Variants in AKR1C3 observed in about 807,000 individuals in gnomAD.
AKR1C3 encodes the protein 3-alpha hydroxysteroid dehydrogenase, type II.
A neutral mutation model predicts 43.6 loss-of-function variants in AKR1C3; 48 were observed. That is an observed-to-expected ratio of 1.10 (90% CI 0.87 to 1.40). The LOEUF (loss-of-function observed/expected upper bound fraction) is 1.40, where lower values mean the gene tolerates loss of function less well. Among genes scored for constraint, AKR1C3 ranks in the 40% most tolerant of loss-of-function variants. AKR1C3 has a pLI of 0.00. For synonymous variants in AKR1C3, 162 were observed against 139.6 expected (o/e 1.16, Z -1.13); for missense variants, 482 against 391.2 (o/e 1.23, Z -1.96).
chr10:5,105,547 TTCACAACTGGCAA>T (rs1839478486), intron 7 of AKR1C3, 35 bp from the exon 8 acceptor site: 3 of 1,426,478 alleles, frequency 2.1e-6, no homozygotes, highest in Non-Finnish European at 2.9e-6. Context: ...TACTTGGGGA[TTCACAACTGGCAA>T]TCTAAAAATA....
intron 1 of AKR1C3, among the ~76,000 whole-genome samples, chr10:5,052,912 G>T (rs1258579190): frequency 1.3e-5 from 2 of 151,872 alleles, no homozygotes; most frequent in African/African-American, 2.4e-5. Flanking sequence ...CCCTTAGCTA[G>T]ACATAAAGGT....
At chr10:5,077,519 C>G in intron 1 of AKR1C3, 1 of 230,878 alleles carries the variant, frequency 4.3e-6, no homozygotes, top group Non-Finnish European at 7.1e-6. Context: ...GAGACTGGCA[C>G]CAAGTCACTG....
intron 1 of AKR1C3, among the ~76,000 whole-genome samples, chr10:5,051,372 C>T (rs913444188): frequency 2.6e-5 from 4 of 152,332 alleles, no homozygotes; most frequent in South Asian, 2.1e-4. Context: ...GCTGGGATTA[C>T]AGGCATGAGC....
intron 1 of AKR1C3, among the ~76,000 whole-genome samples, chr10:5,063,709 G>T (rs553539588): frequency 2.4e-3 from 305 of 124,560 alleles, no homozygotes; most frequent in Non-Finnish European, 3.5e-3. Context: ...GTTGCAGTGA[G>T]CCAAGACTGC....
intron 3 of AKR1C3, 125 bp from the exon 4 acceptor site, chr10:5,098,677 T>C: frequency 1.3e-6 from 1 of 741,902 alleles, no homozygotes; most frequent in Non-Finnish European, 2.3e-6. Flanking sequence ...TTAGCACATA[T>C]CACTTTCTGG....
chr10:5,085,136 G>T (rs1456032673), intron 1 of AKR1C3, among the ~76,000 whole-genome samples: 4 of 151,988 alleles, frequency 2.6e-5, no homozygotes, highest in Non-Finnish European at 4.4e-5. Context: ...GTGAGAGAAG[G>T]CATCCCTGTC....
intron 1 of AKR1C3, among the ~76,000 whole-genome samples, chr10:5,089,304 A>G (rs1266364292): frequency 6.6e-6 from 1 of 152,122 alleles, no homozygotes; most frequent in Non-Finnish European, 1.5e-5. Context: ...CAGGATAAAG[A>G]AAATATTTCT....
intron 1 of AKR1C3, among the ~76,000 whole-genome samples, chr10:5,065,417 A>G (rs1212454458): frequency 6.6e-6 from 1 of 152,184 alleles, no homozygotes; most frequent in African/African-American, 2.4e-5. Context: ...TGTATATACC[A>G]CATTTTAACC....
intron 1 of AKR1C3, chr10:5,077,606 T>C (rs904566184): frequency 2.1e-6 from 2 of 975,456 alleles, no homozygotes; most frequent in African/African-American, 1.7e-5. Flanking sequence ...AAAGTTGATT[T>C]AATTGCTTGC....
chr10:5,105,764 G>A (rs1839486190), intron 8 of AKR1C3, 87 bp downstream of exon 8: 4 of 996,994 alleles, frequency 4.0e-6, no homozygotes, highest in Admixed American at 4.0e-5. Context: ...CATACCAGAG[G>A]GACAGAGGCC....
At chr10:5,096,646 G>T in intron 2 of AKR1C3, 69 bp downstream of exon 2, 1 of 1,514,266 alleles carries the variant, frequency 6.6e-7, no homozygotes, top group South Asian at 1.4e-5. Context: ...ACAATTCTAT[G>T]ACTGGATGAG....
At chr10:5,099,240 A>T (rs141190879) in intron 4 of AKR1C3, 87 bp from the exon 5 acceptor site, 2 of 1,582,864 alleles carry the variant, frequency 1.3e-6, no homozygotes, top group Non-Finnish European at 1.7e-6. Flanking sequence ...ATACTTTGAA[A>T]GTTGTTGCTC....
In AKR1C3 at chr10:5,102,191, T is replaced by A. The variant is rs1554786140; in HGVS notation, c.661T>A (p.Ser221Thr). ...IVLVAYSALG[S>T]QRDKRWVDPN... is the part of the protein sequence containing the mutation. The stretch of plus-strand genomic sequence containing the variant: ...TCTGGTTGCCTATAGTGCTCTGGGA[T>A]CTCAACGAGACAAACGATGGTAATA... The change falls in exon 6 of 9, where the codon TCT becomes ACT. Residue 221 changes from serine (S) to threonine (T), a missense_variant. Coordinates refer to ENST00000380554, the MANE Select transcript of AKR1C3 (RefSeq NM_003739.6). 1.2e-6 allele frequency: 2 copies of A among 1,613,650 alleles called. No homozygotes were observed. Among genetic ancestry groups the A allele is most frequent in the Admixed American group, 1.7e-5 (1 of 59,950 alleles).
At chr10:5,057,031 G>A (rs1331485196) in intron 1 of AKR1C3, among the ~76,000 whole-genome samples, 1 of 152,212 alleles carries the variant, frequency 6.6e-6, no homozygotes, top group Non-Finnish European at 1.5e-5. Context: ...TGAGGGTGAA[G>A]ACATGAGCTG....
At chr10:5,105,571 A>G in intron 7 of AKR1C3, 24 bp from the exon 8 acceptor site, 2 of 1,592,250 alleles carry the variant, frequency 1.3e-6, no homozygotes, top group Non-Finnish European at 1.7e-6. Context: ...TCTAAAAATA[A>G]TAAAAGTTTT....
intron 7 of AKR1C3, among the ~76,000 whole-genome samples, chr10:5,104,154 TTGA>T (rs1205156091): frequency 1.3e-5 from 2 of 152,194 alleles, no homozygotes; most frequent in African/African-American, 4.8e-5. Flanking sequence ...TTTCCTGTGG[TTGA>T]TGAGTGGCAT....
intron 1 of AKR1C3, among the ~76,000 whole-genome samples, chr10:5,074,645 A>G (rs1323158113): frequency 6.6e-6 from 1 of 152,200 alleles, no homozygotes; most frequent in African/African-American, 2.4e-5. Flanking sequence ...TTTTAGCCAA[A>G]GAGAAAATTC....
rs139921251 is a variant in AKR1C3, at chr10:5,050,577, T to C, written c.84+1682T>C. On this transcript the variant is annotated intron_variant, in intron 1 of 8. Transcript: ENST00000439082. ...AACAACAATGGCACATTGTAAGAACTCAAAAACTGGTAGATACCATTGTTG... is the reference window on the plus strand; with the variant it reads ...AACAACAATGGCACATTGTAAGAACCCAAAAACTGGTAGATACCATTGTTG... Among the ~76,000 whole-genome samples the C allele has an allele frequency of 2.2e-3, 332 of 152,054 alleles. 2 individuals are homozygous for C. The highest frequency in any genetic ancestry group is 7.8e-3 in the African/African-American group (323 of 41,470).
chr10:5,057,307 C>G (rs1160239117), intron 1 of AKR1C3, among the ~76,000 whole-genome samples: 4 of 152,188 alleles, frequency 2.6e-5, no homozygotes, highest in African/African-American at 9.7e-5. Context: ...GTCTGAGGGC[C>G]ATGACTAAGG....
Sources: allele counts gnomAD v4.1 joint callset (sites outside exome capture counted in the v4.1 genomes callset), GRCh38; gene constraint gnomAD v4.1.1; transcripts MANE v1.5; gene names NCBI Gene and HGNC (gene_info 2026-07-23, HGNC 2026-07-21).